CCDC136: variants seen among roughly 807,000 people sequenced by gnomAD.
CCDC136 encodes coiled-coil domain-containing protein 136.
CCDC136 carries 100 observed loss-of-function variants against 141.2 expected under a neutral mutation model. That is an observed-to-expected ratio of 0.71 (90% confidence interval 0.60 to 0.84). The LOEUF (loss-of-function observed/expected upper bound fraction) is 0.84, where lower values mean the gene tolerates loss of function less well. Among genes scored for constraint, CCDC136 ranks in the 40% least tolerant of loss-of-function variants. The pLI is 0.00. For missense variants in CCDC136, 1,206 were observed against 1,379.4 expected, an observed-to-expected ratio of 0.87 and a Z score of 1.99; for synonymous variants, 474 against 531.9, an observed-to-expected ratio of 0.89 and a Z score of 1.50.
At chr7:128,797,757 CT>C (rs1346513218) in intron 3 of CCDC136, among the ~76,000 whole-genome samples, 1 of 152,070 alleles carries the variant, frequency 6.6e-6, no homozygotes, top group African/African-American at 2.4e-5. Flanking sequence ...TATTTCTTTT[CT>C]TTTTTCAAAG....
chr7:128,818,320 A>T (rs1404762835), intron 17 of CCDC136: 1 of 164,716 alleles, frequency 6.1e-6, no homozygotes, highest in African/African-American at 2.4e-5. Flanking sequence ...AGATGGCAAA[A>T]TAAGGAATCC....
At chr7:128,793,829 T>C (rs576350044) in intron 1 of CCDC136, among the ~76,000 whole-genome samples, 26 of 152,256 alleles carry the variant, frequency 1.7e-4, no homozygotes, top group African/African-American at 6.0e-4. Flanking sequence ...CCGGGCTGGT[T>C]TGGAACTCCT....
Position 128,811,970 on chromosome 7 carries a change from G to A in CCDC136, c.2199G>A (p.Gln733=). The stretch of plus-strand genomic sequence containing the variant: ...AAGAAATGCAGCTGCTTCAAGTCCA[G>A]TCCCCTTCTATAAAAATGAGCCTTG... The part of the protein sequence containing the change: ...CLEEMQLLQV[Q]SPSIKMSLES... Residue 733 remains glutamine, a synonymous_variant, in exon 13 of 18, where the codon CAG becomes CAA. Transcript: ENST00000297788. 1 of 1,614,004 alleles carries A rather than the reference G, an allele frequency of 6.2e-7. No individual in the cohort carries two copies. The highest frequency in any genetic ancestry group is 8.5e-7 in the Non-Finnish European group (1 of 1,179,882).
At chr7:128,809,167 C>T (rs566467410) in intron 10 of CCDC136, 4 of 363,628 alleles carry the variant, frequency 1.1e-5, no homozygotes, top group African/African-American at 2.1e-5. Flanking sequence ...AAAGGGGCAT[C>T]GATAGCATTC....
chr7:128,806,181 G>A lies in CCDC136; in HGVS notation c.1090-56G>A, dbSNP rs74986941. 8.1e-4 allele frequency: 1,178 copies of A among 1,451,972 alleles called. 12 individuals carry two copies. In the East Asian group the frequency reaches 0.025, roughly 31 times the overall value. The allele number at this position is 1,451,972 out of a possible 1,614,324, so 89.9% of individuals were successfully genotyped here. ...TGAAAAGGAACCCAACTGATCCGTA[G>A]AAAGACCTGCTGTTTCTTGAGAGTA... On this transcript the variant is annotated intron_variant, in intron 7 of 17. Coordinates refer to ENST00000297788, the MANE Select transcript of CCDC136 (RefSeq NM_022742.5).
chr7:128,822,095 C>T lies in CCDC136; in HGVS notation c.*302C>T. ...TCCATCTCCTGCCTTGTGTAAGAAC[C>T]TGAGTTCCTTGTAATTAAATATCAA... On this transcript the variant is annotated 3_prime_UTR_variant, in exon 18 of 18. Transcript: ENST00000297788. The T allele has an allele frequency of 8.5e-7, 1 of 1,181,710 alleles. No homozygotes were observed. The highest frequency in any genetic ancestry group is 1.1e-6 in the Non-Finnish European group (1 of 937,118). The allele number at this position is 1,181,710 out of a possible 1,614,324, so 73.2% of individuals were successfully genotyped here. A position where few individuals can be genotyped will look rare whatever the true frequency, so the allele number is the denominator to read the frequency against.
At chr7:128,812,587 C>A (rs1394492494) in intron 13 of CCDC136, 121 bp from the exon 14 acceptor site, 2 of 784,576 alleles carry the variant, frequency 2.5e-6, no homozygotes, top group Non-Finnish European at 4.2e-6. Flanking sequence ...ATATAGTAAT[C>A]CCCCGCGGGC....
At chr7:128,796,739 A>ATATTTTTTTT in intron 3 of CCDC136, among the ~76,000 whole-genome samples, 4 of 113,376 alleles carry the variant, frequency 3.5e-5, no homozygotes, top group South Asian at 2.7e-4. Flanking sequence ...ATATATATAT[A>ATATTTTTTTT]TTCTTTTTTT....
At chr7:128,808,486 C>T (rs1309897801) in intron 10 of CCDC136, 1 of 985,144 alleles carries the variant, frequency 1.0e-6, no homozygotes, top group South Asian at 4.7e-5. Flanking sequence ...AAAATGCAAG[C>T]CGTTATCATT....
chr7:128,807,488 GA>G lies in CCDC136; in HGVS notation c.1551del (p.Glu518SerfsTer26). On this transcript the variant is annotated frameshift_variant, in exon 10 of 18. Coordinates refer to ENST00000297788, the MANE Select transcript of CCDC136 (RefSeq NM_022742.5). LOFTEE classifies it high-confidence loss of function. ...QDLLLCQLEL[K>X]ELKASHPIPE... ...ACCTCCTGCTCTGCCAGCTGGAGCTGAAAGAGCTCAAGGCCTCCCACCCCAT... is the reference window on the plus strand; with the variant it reads ...ACCTCCTGCTCTGCCAGCTGGAGCTGAAGAGCTCAAGGCCTCCCACCCCAT... 6.5e-7 allele frequency: 1 copy of G among 1,541,288 alleles called. No individual in the cohort carries two copies. Among genetic ancestry groups the G allele is most frequent in the Non-Finnish European group, 8.8e-7 (1 of 1,142,714 alleles).
intron 4 of CCDC136, among the ~76,000 whole-genome samples, chr7:128,804,143 G>A (rs1045782785): frequency 1.4e-4 from 21 of 152,160 alleles, no homozygotes; most frequent in Non-Finnish European, 2.9e-4. Flanking sequence ...CCAGACCAAT[G>A]TATTTGGTGT....
intron 3 of CCDC136, among the ~76,000 whole-genome samples, chr7:128,799,197 AGC>A (rs1447478608): frequency 7.2e-6 from 1 of 138,440 alleles, no homozygotes; most frequent in African/African-American, 2.8e-5. Flanking sequence ...AAAAAAAAAA[AGC>A]AGGGCATGGT....
Position 128,817,956 on chromosome 7 carries a change from C to A in CCDC136, c.*5+92C>A. On this transcript the variant is annotated intron_variant, in intron 17 of 17. Coordinates refer to ENST00000297788, the MANE Select transcript of CCDC136 (RefSeq NM_022742.5). The surrounding 1 kb of genome is among the most constrained non-coding windows in gnomAD (Gnocchi z 4.6). ...CTTTCCCTTTTCTCCCAGCTGCTTG[C>A]TTCTTGCTTGTGCCATTTTATAATA... is the stretch of plus-strand genomic sequence containing the variant. The A allele has an allele frequency of 1.0e-6, 1 of 953,854 alleles. No homozygotes were observed. Among genetic ancestry groups the A allele is most frequent in the Non-Finnish European group, 1.6e-6 (1 of 607,702 alleles). 59.1% of individuals were successfully genotyped at this position (953,854 alleles called of 1,614,324 possible). A position where few individuals can be genotyped will look rare whatever the true frequency, so the allele number is the denominator to read the frequency against.
chr7:128,800,531 G>A (rs1393605554), intron 3 of CCDC136, among the ~76,000 whole-genome samples: 3 of 151,528 alleles, frequency 2.0e-5, no homozygotes, highest in Non-Finnish European at 2.9e-5. Flanking sequence ...CTGACCTCAA[G>A]TGATCCACCT....
At position 128,815,705 on chromosome 7, in the gene CCDC136, A is replaced by G. The variant is rs758666867; in HGVS notation, c.3137A>G (p.Glu1046Gly). The stretch of plus-strand genomic sequence containing the variant: ...GAAAAGAAAGAGGAGATGGAGGAGG[A>G]AAAAAAGCAAGTGAAAGAGGAAGCA... ...EEEKKEEMEEEKKQVKEEAKE... is the reference protein window; with the variant it reads ...EEEKKEEMEEGKKQVKEEAKE... The change falls in exon 16 of 18, where the codon GAA (glutamate) becomes GGA (glycine). Residue 1046 changes from glutamate to glycine, a missense_variant. Transcript: ENST00000297788. 4 of 1,555,390 alleles carry G rather than the reference A, an allele frequency of 2.6e-6. No individual in the cohort carries two copies. In the Admixed American group the frequency reaches 5.9e-5, roughly 23 times the overall value.
chr7:128,811,723 A>ATC (rs1405679704), intron 12 of CCDC136, 77 bp from the exon 13 acceptor site: 23 of 1,355,982 alleles, frequency 1.7e-5, no homozygotes, highest in Non-Finnish European at 2.2e-5. Context: ...GCTCTCAGAC[A>ATC]TCTGTACCAG....
chr7:128,801,251 G>A lies in CCDC136; in HGVS notation c.412G>A (p.Glu138Lys), dbSNP rs780809914. The A allele has an allele frequency of 6.2e-7, 1 of 1,613,970 alleles. No homozygotes were observed. The highest frequency in any genetic ancestry group is 1.1e-5 in the South Asian group (1 of 91,074). The change falls in exon 4 of 18, where the codon GAA becomes AAA. Residue 138 changes from glutamate to lysine, a missense_variant. Transcript: ENST00000297788. ...GCATGAGAAAGAAAGCGAACTTAAG[G>A]AAATAGAACAGGAATTGCATTTGGC... is the stretch of plus-strand genomic sequence containing the variant. Reference protein sequence around the residue: ...LEHEKESELKEIEQELHLAQA... With the variant: ...LEHEKESELKKIEQELHLAQA...
In CCDC136 at chr7:128,805,045, T is replaced by C. The variant is rs1804621286; in HGVS notation, c.782+284T>C. ...TAAAGTGGATCAGAAGAGATTCTTT[T>C]ATTGTCTGCATAGACTTGTTTCAGT... is the stretch of plus-strand genomic sequence containing the variant. On this transcript the variant is annotated intron_variant, in intron 5 of 17. Transcript: ENST00000297788. This position sits in a 1 kb window ranked among gnomAD's most constrained non-coding sequence, Gnocchi z 4.6. Among the ~76,000 whole-genome samples, 1 of 152,240 alleles carries C rather than the reference T, an allele frequency of 6.6e-6. No homozygotes were observed. Among genetic ancestry groups the C allele is most frequent in the South Asian group, 2.1e-4 (1 of 4,836 alleles).
rs116868322 is a variant in CCDC136 at position 128,810,232 on chromosome 7, C to G, written c.1894C>G (p.Gln632Glu). 274 of 1,612,850 alleles carry G rather than the reference C, an allele frequency of 1.7e-4. No individual in the cohort carries two copies. Among genetic ancestry groups the G allele is most frequent in the Non-Finnish European group, 2.2e-4 (263 of 1,179,372 alleles). The change falls in exon 12 of 18, where the codon CAA (glutamine) becomes GAA (glutamate). Residue 632 changes from glutamine (Q) to glutamate (E), a missense_variant. Coordinates refer to ENST00000297788, the MANE Select transcript of CCDC136 (RefSeq NM_022742.5). ...QEEQKKLIQN[Q>E]DCVLKEQLEI... ...GGAACAGAAGAAGCTGATACAGAACCAAGACTGTGTATTAAAAGAACAATT... is the reference window on the plus strand; with the variant it reads ...GGAACAGAAGAAGCTGATACAGAACGAAGACTGTGTATTAAAAGAACAATT...
Sources: gnomAD v4.1 joint callset for allele counts (sites outside exome capture counted in the v4.1 genomes callset) on GRCh38, gnomAD v4.1.1 for gene constraint, Gnocchi (gnomAD v3.1) non-coding constraint, MANE v1.5 for transcripts, NCBI Gene and HGNC (gene_info 2026-07-23, HGNC 2026-07-21) for gene names.